Variants in CEP162 observed in about 807,000 individuals in gnomAD.
CEP162 encodes centrosomal protein of 162 kDa.
Under a neutral mutation model 169.2 loss-of-function variants are expected in CEP162, and 141 were observed. The observed-to-expected ratio is 0.83, with a 90% CI of 0.73 to 0.96. The LOEUF (loss-of-function observed/expected upper bound fraction) is 0.96. Among genes scored for constraint, CEP162 ranks in the 40% least tolerant of loss-of-function variants. The pLI is 0.00. For synonymous variants in CEP162, 540 were observed against 526.4 expected, an observed-to-expected ratio of 1.03 and a Z score of -0.35; for missense variants, 1,600 against 1,587.2, an observed-to-expected ratio of 1.01 and a Z score of -0.14.
Position 84,213,003 on chromosome 6 carries a change from T to C in CEP162, c.525A>G (p.Leu175=), listed in dbSNP as rs1226967020. The part of the protein sequence containing the change: ...ALHSNQANAE[L]TDDEHENESK... ...ATTCATTCTCATGTTCGTCATCAGT[T>C]AGTTCTGCGTTGGCTTGATTACTGG... is the stretch of plus-strand genomic sequence containing the variant. The change falls in exon 6 of 27, where the codon CTA becomes CTG. Residue 175 remains leucine, a synonymous_variant. Transcript: ENST00000403245. 1 of 1,552,466 alleles carries C rather than the reference T, an allele frequency of 6.4e-7. No individual in the cohort carries two copies. Among genetic ancestry groups the C allele is most frequent in the Non-Finnish European group, 8.7e-7 (1 of 1,145,388 alleles).
At chr6:84,196,746 A>C (rs2099542328) in intron 9 of CEP162, among the ~76,000 whole-genome samples, 1 of 152,224 alleles carries the variant, frequency 6.6e-6, no homozygotes, top group Non-Finnish European at 1.5e-5. Context: ...GTGTATATAC[A>C]CAACTTCTAA....
Position 84,175,308 on chromosome 6 carries a change from A to T in CEP162, c.1703T>A (p.Leu568Ter). ...TTCAGTTTTGTGAGCTGGTTTATCC[A>T]AAGCTGCAGGCTTGATGAGTTTTGT... is the stretch of plus-strand genomic sequence containing the variant. ...SGTKLIKPAA[L>*]DKPAHKTESC... is the part of the protein sequence containing the mutation. Residue 568 changes from leucine (L) to a stop codon, truncating the protein, a stop_gained, in exon 14 of 27, where the codon TTG becomes TAG. Transcript: ENST00000403245. LOFTEE classifies it high-confidence loss of function. The T allele has an allele frequency of 6.5e-7, 1 of 1,547,016 alleles. No individual in the cohort carries two copies. Among genetic ancestry groups the T allele is most frequent in the Non-Finnish European group, 8.7e-7 (1 of 1,144,710 alleles).
At chr6:84,219,262 A>C in intron 3 of CEP162, 1 of 780,568 alleles carries the variant, frequency 1.3e-6, no homozygotes, top group Non-Finnish European at 1.9e-6. Context: ...TGCTTGAATC[A>C]GGGACCAGGT....
chr6:84,224,898 A>AT (rs1435336637), intron 2 of CEP162, among the ~76,000 whole-genome samples: 1 of 152,216 alleles, frequency 6.6e-6, no homozygotes, highest in Admixed American at 6.5e-5. Context: ...ATGTGTCTGT[A>AT]TTTGAAATTT....
intron 21 of CEP162, among the ~76,000 whole-genome samples, chr6:84,155,796 C>A (rs1319086152): frequency 2.6e-5 from 4 of 152,116 alleles, no homozygotes. Context: ...GTTAAAATGA[C>A]CATACTGCCT....
intron 5 of CEP162, 49 bp from the exon 6 acceptor site, chr6:84,213,073 C>A (rs2099550142): frequency 9.2e-7 from 1 of 1,087,466 alleles, no homozygotes; most frequent in Admixed American, 2.1e-5. Context: ...AAAACATATT[C>A]TCATGCAACT....
At chr6:84,199,850 A>C (rs2099543722) in intron 9 of CEP162, among the ~76,000 whole-genome samples, 1 of 152,248 alleles carries the variant, frequency 6.6e-6, no homozygotes. Flanking sequence ...AAAAATTCCA[A>C]AAGACCATTA....
In CEP162 at chr6:84,185,382, T is replaced by G; in HGVS notation, c.1468A>C (p.Lys490Gln). 1 of 1,613,562 alleles carries G rather than the reference T, an allele frequency of 6.2e-7. No homozygotes were observed. Among genetic ancestry groups the G allele is most frequent in the Non-Finnish European group, 8.5e-7 (1 of 1,179,546 alleles). Residue 490 changes from lysine to glutamine, a missense_variant, in exon 13 of 27, where the codon AAG (lysine) becomes CAG (glutamine). Lys to Gln is a moderately conservative substitution (Grantham distance 53). Coordinates refer to ENST00000403245, the MANE Select transcript of CEP162 (RefSeq NM_014895.4). ...AVMGKQVPYK[K>Q]ARSAPPLLKR... Reference sequence around the variant, plus strand: ...AGTAAAGGAGGTGCACTTCTGGCCTTCTTGTATGGTACCTGTTTACCCATT... The same window carrying G: ...AGTAAAGGAGGTGCACTTCTGGCCTGCTTGTATGGTACCTGTTTACCCATT...
At position 84,223,330 on chromosome 6, in the gene CEP162, C is replaced by A. The variant is rs868418507; in HGVS notation, c.58-2159G>T. Among the ~76,000 whole-genome samples, 55 of 151,110 alleles carry A rather than the reference C, an allele frequency of 3.6e-4. 2 individuals are homozygous for A. The highest frequency in any genetic ancestry group is 1.3e-4 in the Admixed American group (2 of 15,168). ...CCTGACCAACATGGTGAAACCATGT[C>A]TCTACTAAAAATACAAAAATTAGCT... is the stretch of plus-strand genomic sequence containing the variant. On this transcript the variant is annotated intron_variant, in intron 2 of 26. Transcript: ENST00000403245.
At chr6:84,178,074 T>C (rs1447227019) in intron 13 of CEP162, among the ~76,000 whole-genome samples, 1 of 152,220 alleles carries the variant, frequency 6.6e-6, no homozygotes, top group African/African-American at 2.4e-5. Flanking sequence ...ATGTGAGACT[T>C]AGAATTTGTA....
intron 2 of CEP162, among the ~76,000 whole-genome samples, chr6:84,225,813 G>A (rs2099555491): frequency 6.6e-6 from 1 of 152,098 alleles, no homozygotes; most frequent in African/African-American, 2.4e-5. Flanking sequence ...CTGAAGTGGT[G>A]ATATTTAAGT....
At chr6:84,208,019 ATTTTTTTTT>A (rs375738078) in intron 6 of CEP162, among the ~76,000 whole-genome samples, 1 of 132,902 alleles carries the variant, frequency 7.5e-6, no homozygotes, top group Non-Finnish European at 1.6e-5. Flanking sequence ...AGGTTGATTG[ATTTTTTTTT>A]TTTTTTTTTG....
chr6:84,203,632 T>G (rs2099545538), intron 7 of CEP162, among the ~76,000 whole-genome samples: 1 of 152,080 alleles, frequency 6.6e-6, no homozygotes, highest in African/African-American at 2.4e-5. Flanking sequence ...ATTTAATTTT[T>G]GGAGAGATGA....
In CEP162 at chr6:84,200,066, C is replaced by T. The variant is rs1315036376; in HGVS notation, c.835+723G>A. On this transcript the variant is annotated intron_variant, in intron 9 of 26. Coordinates refer to ENST00000403245, the MANE Select transcript of CEP162 (RefSeq NM_014895.4). The stretch of plus-strand genomic sequence containing the variant: ...GAGATTGAGATCATCCTGGCTAACA[C>T]GGTGAAACCTTGTCTCTACTAAAAA... 9.2e-5 allele frequency among the ~76,000 whole-genome samples: 14 copies of T among 151,950 alleles called. No homozygotes were observed. In the East Asian group the frequency reaches 9.7e-4, roughly 11 times the overall value.
intron 7 of CEP162, among the ~76,000 whole-genome samples, chr6:84,202,146 C>T (rs1046613223): frequency 3.3e-5 from 5 of 152,192 alleles, no homozygotes; most frequent in Non-Finnish European, 4.4e-5. Context: ...CATTACCAGT[C>T]TATTTTCCCT....
chr6:84,208,657 G>C (rs1437817973), intron 6 of CEP162, among the ~76,000 whole-genome samples: 1 of 152,186 alleles, frequency 6.6e-6, no homozygotes, highest in East Asian at 1.9e-4. Flanking sequence ...GCTTGGAACA[G>C]CATGTGTATT....
intron 11 of CEP162, among the ~76,000 whole-genome samples, chr6:84,188,128 A>G (rs946449109): frequency 4.6e-5 from 7 of 151,650 alleles, no homozygotes; most frequent in African/African-American, 1.2e-4. Context: ...AAAGAGTGTC[A>G]TCTTCACATT....
At chr6:84,194,704 G>A (rs961716506) in intron 10 of CEP162, among the ~76,000 whole-genome samples, 180 bp downstream of exon 10, 2 of 151,934 alleles carry the variant, frequency 1.3e-5, no homozygotes, top group Admixed American at 6.6e-5. Flanking sequence ...CACCCACCTC[G>A]GCCTCCCAAA....
intron 21 of CEP162, among the ~76,000 whole-genome samples, chr6:84,159,538 T>TAC (rs2099524670): frequency 2.1e-5 from 1 of 46,822 alleles, no homozygotes; most frequent in East Asian, 5.5e-4. Context: ...TATATATATA[T>TAC]ATATATATAT....
Sources: allele counts gnomAD v4.1 joint callset (sites outside exome capture counted in the v4.1 genomes callset), GRCh38; gene constraint gnomAD v4.1.1; transcripts MANE v1.5; gene names NCBI Gene and HGNC (gene_info 2026-07-23, HGNC 2026-07-21).